VRK2: variants seen among roughly 807,000 people sequenced by gnomAD.
VRK2 encodes the protein VRK serine/threonine kinase 2, also known as serine/threonine-protein kinase VRK2.
In VRK2, 60 loss-of-function variants were observed where a neutral mutation model predicts 57.6. The observed-to-expected ratio is 1.04, with a 90% CI of 0.85 to 1.29. VRK2 has a LOEUF of 1.29. VRK2 is among the 50% of genes most tolerant of loss of function. The pLI is 0.00. For missense variants in VRK2, 705 were observed against 588.1 expected (o/e 1.20, Z -2.06); for synonymous variants, 231 against 199.2 (o/e 1.16, Z -1.35).
rs1683738616 is a variant in VRK2 at position 58,155,812 on chromosome 2, G to C, written c.1183-3537G>C. On this transcript the variant is annotated intron_variant, in intron 12 of 12. Coordinates refer to ENST00000340157, the MANE Select transcript of VRK2 (RefSeq NM_006296.7). The stretch of plus-strand genomic sequence containing the variant: ...AGCACCTGGAGAGAAGTAAGGTACA[G>C]CTTCTTTCATGGTGTTCACCTAGGG... Among the ~76,000 whole-genome samples the C allele has an allele frequency of 1.5e-5, 2 of 134,114 alleles. 1 individual carries two copies. The highest frequency in any genetic ancestry group is 5.2e-4 in the South Asian group (2 of 3,852). 88.0% of individuals were successfully genotyped at this position (134,114 alleles called of 152,430 possible). A position where few individuals can be genotyped will look rare whatever the true frequency, so the allele number is the denominator to read the frequency against.
At chr2:57,907,753 C>G (rs887856770) in exon 1 of VRK2, 1 of 152,232 alleles carries the variant, frequency 6.6e-6, no homozygotes, top group Non-Finnish European at 1.5e-5. Context: ...CAAGATGCTT[C>G]TCACTGACTC....
rs1165446335 is a variant in VRK2 at position 58,080,090 on chromosome 2, A to G, written c.137-3999A>G. ...TGGAACACATCTGAATAAAGCAAAA[A>G]TATTTCTTTATTTGTGGAGTTTACA... On this transcript the variant is annotated intron_variant, in intron 2 of 12. Transcript: ENST00000340157. Among the ~76,000 whole-genome samples, 4 of 152,116 alleles carry G rather than the reference A, an allele frequency of 2.6e-5. No individual in the cohort carries two copies. In the East Asian group the frequency reaches 7.7e-4, roughly 29 times the overall value.
At chr2:58,137,223 T>TGATA (rs1558687321) in intron 10 of VRK2, among the ~76,000 whole-genome samples, 85 of 19,830 alleles carry the variant, frequency 4.3e-3, no homozygotes, top group South Asian at 9.4e-3. Flanking sequence ...TACATATATA[T>TGATA]CATATGATAC....
intron 2 of VRK2, among the ~76,000 whole-genome samples, chr2:58,031,621 T>C (rs988742913): frequency 1.3e-5 from 2 of 152,080 alleles, no homozygotes; most frequent in Non-Finnish European, 2.9e-5. Flanking sequence ...CCCTAATTAA[T>C]TTACAATCCA....
At chr2:58,133,318 T>TAAA (rs1426494496) in intron 9 of VRK2, among the ~76,000 whole-genome samples, 1 of 152,162 alleles carries the variant, frequency 6.6e-6, no homozygotes, top group African/African-American at 2.4e-5. Flanking sequence ...TGGGGACTCT[T>TAAA]ACATATGTTA....
chr2:58,074,981 C>T (rs951173203), intron 2 of VRK2, among the ~76,000 whole-genome samples: 10 of 151,924 alleles, frequency 6.6e-5, no homozygotes, highest in South Asian at 2.1e-4. Flanking sequence ...GTTTGGTATA[C>T]GGATAATTTT....
At chr2:57,942,353 C>G (rs961421235) in intron 1 of VRK2, among the ~76,000 whole-genome samples, 1 of 152,090 alleles carries the variant, frequency 6.6e-6, no homozygotes, top group African/African-American at 2.4e-5. Flanking sequence ...CAGCTAGTTG[C>G]CATTATGAAT....
intron 1 of VRK2, among the ~76,000 whole-genome samples, chr2:57,997,797 A>C (rs1228065664): frequency 6.6e-6 from 1 of 152,156 alleles, no homozygotes; most frequent in South Asian, 2.1e-4. Context: ...CAGGAGGCTG[A>C]AGTGGGTGGG....
At chr2:57,999,287 T>A (rs1271003175) in intron 1 of VRK2, among the ~76,000 whole-genome samples, 2 of 152,218 alleles carry the variant, frequency 1.3e-5, no homozygotes, top group Non-Finnish European at 2.9e-5. Context: ...CAAATAGTAG[T>A]TCCTTCTTTG....
intron 11 of VRK2, among the ~76,000 whole-genome samples, chr2:58,144,160 A>C (rs561451726): frequency 6.6e-6 from 1 of 152,006 alleles, no homozygotes; most frequent in Admixed American, 6.6e-5. Flanking sequence ...CAAATACTGT[A>C]TGATCTCATT....
At chr2:58,046,634 T>G, upstream of VRK2, 1 of 985,560 alleles carries the variant, frequency 1.0e-6, no homozygotes. Context: ...CCTGGGCGTC[T>G]CCGGGGCGTG....
chr2:57,923,940 T>C (rs1460589012), intron 1 of VRK2, among the ~76,000 whole-genome samples: 4 of 152,090 alleles, frequency 2.6e-5, no homozygotes, highest in Non-Finnish European at 5.9e-5. Flanking sequence ...CTTATGCGTA[T>C]GGATATCCAG....
At chr2:58,057,282 G>A (rs1160120671) in intron 2 of VRK2, among the ~76,000 whole-genome samples, 1 of 152,084 alleles carries the variant, frequency 6.6e-6, no homozygotes, top group Non-Finnish European at 1.5e-5. Flanking sequence ...TGCGTGTAAG[G>A]CACTGTACTT....
At chr2:58,050,646 T>C (rs1339434473) in intron 2 of VRK2, among the ~76,000 whole-genome samples, 1 of 152,240 alleles carries the variant, frequency 6.6e-6, no homozygotes, top group Admixed American at 6.5e-5. Flanking sequence ...ATGTAAATAT[T>C]ATATGTATTT....
At chr2:58,149,581 T>C (rs1309390118) in intron 12 of VRK2, among the ~76,000 whole-genome samples, 1 of 151,602 alleles carries the variant, frequency 6.6e-6, no homozygotes, top group African/African-American at 2.4e-5. Context: ...TTACGTTGAA[T>C]AGAAGTTGTG....
At chr2:58,060,889 T>C (rs569380900) in intron 2 of VRK2, among the ~76,000 whole-genome samples, 1 of 152,014 alleles carries the variant, frequency 6.6e-6, no homozygotes, top group East Asian at 1.9e-4. Context: ...CTCATTCTAT[T>C]GTATGGCCAA....
At chr2:57,914,215 T>G (rs1178288892) in intron 1 of VRK2, among the ~76,000 whole-genome samples, 2 of 151,530 alleles carry the variant, frequency 1.3e-5, no homozygotes, top group Non-Finnish European at 2.9e-5. Context: ...ATAGCCAAGA[T>G]CCCAATGTTT....
chr2:57,975,151 A>C (rs1273202452), intron 1 of VRK2, among the ~76,000 whole-genome samples: 2 of 151,954 alleles, frequency 1.3e-5, no homozygotes, highest in Non-Finnish European at 2.9e-5. Flanking sequence ...ATTTGTGAAA[A>C]CGATGTTCTA....
chr2:58,115,854 A>G (rs1676384639), intron 7 of VRK2, among the ~76,000 whole-genome samples: 1 of 152,164 alleles, frequency 6.6e-6, no homozygotes, highest in African/African-American at 2.4e-5. Context: ...AGTGAAGGCA[A>G]AGAGAGGCTG....
Sources: allele counts gnomAD v4.1 joint callset (sites outside exome capture counted in the v4.1 genomes callset), GRCh38; gene constraint gnomAD v4.1.1; transcripts MANE v1.5; gene names NCBI Gene and HGNC (gene_info 2026-07-23, HGNC 2026-07-21).